MAPK10: variants seen among roughly 807,000 people sequenced by gnomAD.
MAPK10 encodes the protein JNK3 alpha protein kinase.
Under a neutral mutation model 59.3 loss-of-function variants are expected in MAPK10, and 25 were observed. The ratio of observed to expected loss-of-function variants is 0.42; its 90% CI spans 0.31 to 0.59. MAPK10 has a LOEUF of 0.59. Among genes scored for constraint, MAPK10 ranks in the 20% least tolerant of loss-of-function variants. The pLI, the probability that MAPK10 is intolerant of heterozygous loss-of-function variation, is 0.15. For missense variants in MAPK10, 351 were observed against 568.9 expected (o/e 0.62, Z 3.90); for synonymous variants, 190 against 200.5 (o/e 0.95, Z 0.44).
At position 86,381,104 on chromosome 4, in the gene MAPK10, A is replaced by G. The variant is rs78357750; in HGVS notation, c.-121-26460T>C. On this transcript the variant is annotated intron_variant, in intron 1 of 13. Coordinates refer to the MAPK10 transcript ENST00000361569. The stretch of plus-strand genomic sequence containing the variant: ...GTTTAAAAATTGAAAATTTTCATGT[A>G]AGAATCTGGAGACTTGTCTTCTCTT... Among the ~76,000 whole-genome samples, 146 of 152,266 alleles carry G rather than the reference A, an allele frequency of 9.6e-4. No individual in the cohort carries two copies. In the East Asian group the frequency reaches 0.019, roughly 20 times the overall value.
rs545184900 is a variant in MAPK10, at chr4:86,056,572, G to A, written c.1110+7694C>T. 4.0e-5 allele frequency among the ~76,000 whole-genome samples: 6 copies of A among 150,032 alleles called. No individual in the cohort carries two copies. The South Asian group carries it at 1.2e-3, about 31-fold the overall frequency. ...ATGCAAACAAGAACTCATTCATGGA[G>A]TAGATTTAATAGAGCAAGTAACACA... On this transcript the variant is annotated intron_variant, in intron 11 of 13. Transcript: ENST00000641462.
chr4:86,544,425 C>CT, intron 1 of MAPK10, among the ~76,000 whole-genome samples: 1 of 152,222 alleles, frequency 6.6e-6, no homozygotes. Context: ...TGCCTACATA[C>CT]TATTCTTACT....
In MAPK10 at chr4:86,145,238, T is replaced by A. The variant is rs1395970219; in HGVS notation, c.236+14060A>T. Among the ~76,000 whole-genome samples, 7 of 140,552 alleles carry A rather than the reference T, an allele frequency of 5.0e-5. 2 individuals are homozygous for A. Among genetic ancestry groups the A allele is most frequent in the Admixed American group, 1.4e-4 (2 of 14,344 alleles). The allele number at this position is 140,552 out of a possible 152,430, so 92.2% of individuals were successfully genotyped here. On this transcript the variant is annotated intron_variant, in intron 4 of 13. Coordinates refer to ENST00000641462, the MANE Select transcript of MAPK10 (RefSeq NM_138982.4). ...CTAGCCGGGCGTGGTGGCGCGCGCC[T>A]GTAGTCCCAGCTACACGGGAGGCTG...
At chr4:86,400,494 G>T (rs1273010372) in intron 1 of MAPK10, among the ~76,000 whole-genome samples, 1 of 151,438 alleles carries the variant, frequency 6.6e-6, no homozygotes, top group Non-Finnish European at 1.5e-5. Context: ...AATTTATTTG[G>T]AATGGTAAGT....
intron 11 of MAPK10, among the ~76,000 whole-genome samples, chr4:86,041,303 G>A (rs1175128088): frequency 6.6e-6 from 1 of 152,032 alleles, no homozygotes; most frequent in Non-Finnish European, 1.5e-5. Context: ...AACCAGACTC[G>A]TTCCTTACAC....
intron 2 of MAPK10, among the ~76,000 whole-genome samples, chr4:86,259,596 A>G (rs7665868): frequency 0.43 from 65,239 of 151,936 alleles, 15,844 homozygotes; most frequent in African/African-American, 0.66. Context: ...ATAGTGGGAA[A>G]CTGAGGTATT....
rs188520039 is a variant in MAPK10 at position 86,542,019 on chromosome 4, T to C, written c.-263+51891A>G. Reference sequence around the variant, plus strand: ...TGGGGAAAAAGAAAGAAATAAAATATTAATAGTGATCCTATCTGGATAATC... The same window carrying C: ...TGGGGAAAAAGAAAGAAATAAAATACTAATAGTGATCCTATCTGGATAATC... On this transcript the variant is annotated intron_variant, in intron 1 of 4. Coordinates refer to the MAPK10 transcript ENST00000502302. 3.4e-3 allele frequency among the ~76,000 whole-genome samples: 507 copies of C among 150,764 alleles called. 1 individual carries two copies. The highest frequency in any genetic ancestry group is 0.012 in the African/African-American group (490 of 40,874).
At chr4:86,364,582 A>G (rs1297168251), upstream of MAPK10, among the ~76,000 whole-genome samples, 2 of 152,208 alleles carry the variant, frequency 1.3e-5, no homozygotes, top group South Asian at 2.1e-4. Context: ...TTTTAAGTCT[A>G]TTCTATACAC....
At chr4:86,513,741 T>G (rs1756452889) in intron 1 of MAPK10, among the ~76,000 whole-genome samples, 2 of 152,172 alleles carry the variant, frequency 1.3e-5, no homozygotes, top group African/African-American at 4.8e-5. Context: ...TTTTAAAACC[T>G]TATACCTATT....
At chr4:86,274,969 C>G (rs1288251473) in intron 2 of MAPK10, among the ~76,000 whole-genome samples, 1 of 151,966 alleles carries the variant, frequency 6.6e-6, no homozygotes, top group Non-Finnish European at 1.5e-5. Flanking sequence ...AAAACAAAGC[C>G]TCTCTAAGGC....
chr4:86,352,666 C>T (rs1210823366), intron 2 of MAPK10, among the ~76,000 whole-genome samples: 2 of 152,222 alleles, frequency 1.3e-5, no homozygotes, highest in African/African-American at 2.4e-5. Context: ...TCTATTACAT[C>T]ATGTTTGATT....
At chr4:86,286,673 C>T (rs2095024006) in intron 2 of MAPK10, among the ~76,000 whole-genome samples, 1 of 152,132 alleles carries the variant, frequency 6.6e-6, no homozygotes, top group Non-Finnish European at 1.5e-5. Context: ...AGCCTGACTC[C>T]AGAGCTCCTG....
In MAPK10 at chr4:86,073,469, C is replaced by G. The variant is rs375588331; in HGVS notation, c.803-5514G>C. On this transcript the variant is annotated intron_variant, in intron 9 of 13. Transcript: ENST00000641462. The stretch of plus-strand genomic sequence containing the variant: ...TGTGTTTGCTCTTGCTTTTCTAGTT[C>G]TTTTAATTGTGATGTTAGGGTGTCA... 1.4e-3 allele frequency among the ~76,000 whole-genome samples: 205 copies of G among 142,084 alleles called. 2 individuals carry two copies. Among genetic ancestry groups the G allele is most frequent in the East Asian group, 7.5e-3 (36 of 4,814 alleles). The allele number at this position is 142,084 out of a possible 152,430, so 93.2% of individuals were successfully genotyped here.
chr4:86,321,930 C>T (rs1185118009), intron 2 of MAPK10: 1 of 151,740 alleles, frequency 6.6e-6, no homozygotes, highest in Non-Finnish European at 1.5e-5. Flanking sequence ...CTCTTGGCCT[C>T]AAGCAATCTT....
intron 1 of MAPK10, among the ~76,000 whole-genome samples, chr4:86,547,411 G>A (rs978494930): frequency 5.3e-5 from 8 of 152,224 alleles, no homozygotes; most frequent in East Asian, 1.9e-4. Context: ...CGGCCCCACC[G>A]CCCGGGGCAG....
At chr4:86,358,995 C>T (rs1735878311) in intron 1 of MAPK10, 1 of 152,090 alleles carries the variant, frequency 6.6e-6, no homozygotes, top group South Asian at 2.1e-4. Flanking sequence ...AACCTGACCC[C>T]TGTTCTGTGT....
chr4:86,332,660 C>T (rs1158352004), intron 2 of MAPK10: 7 of 152,244 alleles, frequency 4.6e-5, no homozygotes, highest in South Asian at 4.1e-4. Context: ...CCGTAACCTT[C>T]CATAAAATCT....
At chr4:86,173,816 G>A (rs1434135837) in intron 3 of MAPK10, among the ~76,000 whole-genome samples, 1 of 151,970 alleles carries the variant, frequency 6.6e-6, no homozygotes, top group African/African-American at 2.4e-5. Context: ...GTGGCCAAAG[G>A]ACATGAACAG....
At chr4:86,043,329 A>AG (rs2041929798) in intron 11 of MAPK10, among the ~76,000 whole-genome samples, 1 of 152,186 alleles carries the variant, frequency 6.6e-6, no homozygotes, top group African/African-American at 2.4e-5. Flanking sequence ...ATTAACATGC[A>AG]GGGGTGCAGA....
Sources: gnomAD v4.1 joint callset for allele counts (sites outside exome capture counted in the v4.1 genomes callset) on GRCh38, gnomAD v4.1.1 for gene constraint, MANE v1.5 for transcripts, NCBI Gene and HGNC (gene_info 2026-07-23, HGNC 2026-07-21) for gene names.